The following ZFHX2 variants were observed in gnomAD, a reference collection of about 807,000 sequenced individuals.
The protein encoded by ZFHX2 is zinc finger homeobox 2.
A neutral mutation model predicts 164.8 loss-of-function variants in ZFHX2; 75 were observed. That is an observed-to-expected ratio of 0.46 (90% confidence interval 0.38 to 0.55). The LOEUF is 0.55. Among genes scored for constraint, ZFHX2 ranks in the 20% least tolerant of loss-of-function variants. The pLI, the probability that ZFHX2 is intolerant of heterozygous loss-of-function variation, is 0.00. For missense variants in ZFHX2, 2,933 were observed against 3,308.0 expected, an observed-to-expected ratio of 0.89 and a Z score of 2.78; for synonymous variants, 1,217 against 1,351.4, an observed-to-expected ratio of 0.90 and a Z score of 2.18.
chr14:23,555,356 C>A (rs527903359), upstream of ZFHX2, among the ~76,000 whole-genome samples: 69 of 152,246 alleles, frequency 4.5e-4, no homozygotes, highest in South Asian at 1.0e-3. Context: ...GCTTAGGGAC[C>A]GCTGGAAACT....
chr14:23,528,185 AGGC>A (rs1176824683), intron 6 of ZFHX2, among the ~76,000 whole-genome samples: 3 of 152,320 alleles, frequency 2.0e-5, no homozygotes, highest in African/African-American at 7.2e-5. Flanking sequence ...CTGGGATTAC[AGGC>A]GTGAGCCACC....
chr14:23,520,969 C>G lies in ZFHX2; in HGVS notation c.*993G>C. On this transcript the variant is annotated 3_prime_UTR_variant, in exon 10 of 10. Transcript: ENST00000419474. This position sits in a 1 kb window ranked among gnomAD's most constrained non-coding sequence, Gnocchi z 8.7. The stretch of plus-strand genomic sequence containing the variant: ...TCTTTTGTGCGCGTGTGCACGTACT[C>G]TCTCTCGCTCTTGCTTTTTTGGTTG... 1 of 151,440 alleles carries G rather than the reference C, an allele frequency of 6.6e-6. No homozygotes were observed. The highest frequency in any genetic ancestry group is 1.5e-5 in the Non-Finnish European group (1 of 67,962). 9.4% of individuals were successfully genotyped at this position (151,440 alleles called of 1,614,324 possible). A position where few individuals can be genotyped will look rare whatever the true frequency, so the allele number is the denominator to read the frequency against.
intron 5 of ZFHX2, 104 bp from the exon 6 acceptor site, chr14:23,529,872 G>A: frequency 1.6e-6 from 2 of 1,216,144 alleles, no homozygotes; most frequent in Non-Finnish European, 2.3e-6. Flanking sequence ...GAAAGGGCAG[G>A]AAACTCAGTA....
intron 1 of ZFHX2, among the ~76,000 whole-genome samples, chr14:23,547,270 G>C (rs966480330): frequency 1.3e-5 from 2 of 152,212 alleles, no homozygotes; most frequent in Non-Finnish European, 2.9e-5. Context: ...TGCTGCCTTC[G>C]TTGTATTAAT....
At chr14:23,540,627 C>T (rs996020229) in intron 1 of ZFHX2, among the ~76,000 whole-genome samples, 3 of 152,218 alleles carry the variant, frequency 2.0e-5, no homozygotes, top group African/African-American at 7.2e-5. Context: ...TGGATCCACA[C>T]ACAGAGAGCC....
chr14:23,522,621 C>G lies in ZFHX2; in HGVS notation c.7060G>C (p.Gly2354Arg). The G allele has an allele frequency of 6.5e-7, 1 of 1,533,838 alleles. No homozygotes were observed. The highest frequency in any genetic ancestry group is 1.4e-5 in the African/African-American group (1 of 73,110). The change falls in exon 10 of 10, where the codon GGG becomes CGG. Residue 2354 changes from glycine to arginine, a missense_variant. Transcript: ENST00000419474. ...AAGACAGCTGGCGGTGCTGTTCCCC[C>G]AGCAGGGGGCAATGGAAAGGGCAGG... is the stretch of plus-strand genomic sequence containing the variant. ...QFLPFPLPPA[G>R]GTAPPAVFGP... is the part of the protein sequence containing the mutation.
At position 23,523,046 on chromosome 14, in the gene ZFHX2, T is replaced by C; in HGVS notation, c.6740-105A>G. The C allele has an allele frequency of 7.1e-7, 1 of 1,403,548 alleles. No homozygotes were observed. The highest frequency in any genetic ancestry group is 1.7e-5 in the South Asian group (1 of 59,284). The allele number at this position is 1,403,548 out of a possible 1,614,324, so 86.9% of individuals were successfully genotyped here. On this transcript the variant is annotated intron_variant, in intron 9 of 9. Transcript: ENST00000419474. This position sits in a 1 kb window ranked among gnomAD's most constrained non-coding sequence, Gnocchi z 4.1. ...CACACACCCGTTCCCAGCACCGGAT[T>C]TCCATGCCCCTTCCCTCCCTTCTTT...
At chr14:23,543,358 A>C (rs749527850) in intron 1 of ZFHX2, 1 of 152,270 alleles carries the variant, frequency 6.6e-6, no homozygotes, top group Non-Finnish European at 1.5e-5. Flanking sequence ...ATTGGAACTC[A>C]GGTAGCCTGA....
chr14:23,531,170 C>T (rs899899401), intron 4 of ZFHX2: 2 of 250,962 alleles, frequency 8.0e-6, no homozygotes, highest in Admixed American at 5.6e-5. Context: ...CTCCAGCCTG[C>T]CACCCTCCAG....
Position 23,523,759 on chromosome 14 carries a change from A to T in ZFHX2, c.6183T>A (p.Asp2061Glu), listed in dbSNP as rs1437299201. Residue 2061 changes from aspartate to glutamate, a missense_variant, in exon 9 of 10, where the codon GAT becomes GAA. Asp to Glu is a conservative substitution (Grantham distance 45). Coordinates refer to ENST00000419474, the MANE Select transcript of ZFHX2 (RefSeq NM_033400.3). This position sits in a 1 kb window ranked among gnomAD's most constrained non-coding sequence, Gnocchi z 4.1. ...TCCTGTAGCGCCGCTGCCCCATTCCATCTGGAACCCCAGTCCCACCTCCAG... is the reference window on the plus strand; with the variant it reads ...TCCTGTAGCGCCGCTGCCCCATTCCTTCTGGAACCCCAGTCCCACCTCCAG... ...GGPGGGTGVP[D>E]GMGQRRYRTQ... The T allele has an allele frequency of 1.3e-6, 2 of 1,535,816 alleles. No individual in the cohort carries two copies. The highest frequency in any genetic ancestry group is 2.0e-5 in the Admixed American group (1 of 50,962).
chr14:23,536,325 A>AT (rs1170228445), intron 1 of ZFHX2, among the ~76,000 whole-genome samples: 1 of 152,174 alleles, frequency 6.6e-6, no homozygotes, highest in Non-Finnish European at 1.5e-5. Flanking sequence ...AGACCCTCAG[A>AT]TTTTCCATAC....
intron 3 of ZFHX2, 167 bp downstream of exon 3, chr14:23,532,400 A>G: frequency 1.3e-6 from 1 of 791,470 alleles, no homozygotes; most frequent in Non-Finnish European, 1.8e-6. Flanking sequence ...CTCTTTCTCC[A>G]TGTCTGTCAC....
chr14:23,533,919 A>C lies in ZFHX2; in HGVS notation c.1407T>G (p.Asp469Glu), dbSNP rs769981376. Residue 469 changes from aspartate (D) to glutamate (E), a missense_variant, in exon 2 of 10, where the codon GAT (aspartate) becomes GAG (glutamate). By Grantham distance (45) the Asp-to-Glu change is conservative (BLOSUM62 2). Transcript: ENST00000419474. This position sits in a 1 kb window ranked among gnomAD's most constrained non-coding sequence, Gnocchi z 4.8. ...NWHYKYQQTLDVHMREKHPES... is the reference protein window; with the variant it reads ...NWHYKYQQTLEVHMREKHPES... Reference sequence around the variant, plus strand: ...CAGGGTGCTTCTCTCGCATGTGCACATCCAGGGTCTGCTGGTACTTGTAGT... The same window carrying C: ...CAGGGTGCTTCTCTCGCATGTGCACCTCCAGGGTCTGCTGGTACTTGTAGT... The C allele has an allele frequency of 2.6e-6, 4 of 1,538,008 alleles. No homozygotes were observed. The highest frequency in any genetic ancestry group is 3.5e-6 in the Non-Finnish European group (4 of 1,147,156).
At position 23,532,891 on chromosome 14, in the gene ZFHX2, G is replaced by C. The variant is rs902047626; in HGVS notation, c.2235C>G (p.Leu745=). 2 of 1,536,242 alleles carry C rather than the reference G, an allele frequency of 1.3e-6. No homozygotes were observed. The highest frequency in any genetic ancestry group is 1.7e-6 in the Non-Finnish European group (2 of 1,146,930). ...CCACCTCCTTCCATTCAGCTTCCGG[G>C]AGGCTCCGGCCTATGCTGCAGTGGT... ...LLYHCSIGRS[L]PEAEWKEVAG... The change falls in exon 3 of 10, where the codon CTC becomes CTG. Residue 745 remains leucine (L), a synonymous_variant. Transcript: ENST00000419474.
chr14:23,531,415 C>T, intron 4 of ZFHX2, 66 bp downstream of exon 4: 2 of 1,345,820 alleles, frequency 1.5e-6, no homozygotes, highest in Non-Finnish European at 1.9e-6. Flanking sequence ...CTCCGCAGCC[C>T]CCCTGCTCCC....
At position 23,534,859 on chromosome 14, in the gene ZFHX2, G is replaced by T; in HGVS notation, c.467C>A (p.Pro156His). 6.5e-7 allele frequency: 1 copy of T among 1,536,104 alleles called. No homozygotes were observed. Among genetic ancestry groups the T allele is most frequent in the Non-Finnish European group, 8.7e-7 (1 of 1,146,884 alleles). The part of the protein sequence containing the change: ...EAGIKEEPSL[P>H]FLAYPPPSHL... ...TGAGGGGGGTGGGTAGGCAAGGAAG[G>T]GCAGACTGGGCTCTTCCTTGATGCC... is the stretch of plus-strand genomic sequence containing the variant. Residue 156 changes from proline to histidine, a missense_variant, in exon 2 of 10, where the codon CCC becomes CAC. Transcript: ENST00000419474. This position sits in a 1 kb window ranked among gnomAD's most constrained non-coding sequence, Gnocchi z 4.5.
chr14:23,541,514 C>T (rs1382159490), intron 1 of ZFHX2, among the ~76,000 whole-genome samples: 1 of 151,636 alleles, frequency 6.6e-6, no homozygotes, highest in Non-Finnish European at 1.5e-5. Flanking sequence ...CTCAAACTCC[C>T]AACCTCAGGT....
At position 23,533,529 on chromosome 14, in the gene ZFHX2, C is replaced by G; in HGVS notation, c.1797G>C (p.Met599Ile). 6.5e-7 allele frequency: 1 copy of G among 1,536,122 alleles called. No homozygotes were observed. Reference protein sequence around the residue: ...TSEKHMQNVLMLHQGLPLGLP... With the variant: ...TSEKHMQNVLILHQGLPLGLP... The stretch of plus-strand genomic sequence containing the variant: ...GGCCCAGCGGCAGCCCCTGGTGCAG[C>G]ATTAGGACATTCTGCATGTGCTTCT... The change falls in exon 2 of 10, where the codon ATG becomes ATC. Residue 599 changes from methionine to isoleucine, a missense_variant. Coordinates refer to ENST00000419474, the MANE Select transcript of ZFHX2 (RefSeq NM_033400.3). The surrounding 1 kb of genome is among the most constrained non-coding windows in gnomAD (Gnocchi z 4.8).
rs1878607353 is a variant in ZFHX2 at position 23,525,687 on chromosome 14, C to T, written c.4255G>A (p.Gly1419Ser). 3 of 1,530,106 alleles carry T rather than the reference C, an allele frequency of 2.0e-6. No individual in the cohort carries two copies. The highest frequency in any genetic ancestry group is 2.6e-6 in the Non-Finnish European group (3 of 1,143,282). 94.8% of individuals were successfully genotyped at this position (1,530,106 alleles called of 1,614,324 possible). ...EWERPPMAKE[G>S]NEAGPSSPPD... The stretch of plus-strand genomic sequence containing the variant: ...GGTGAGGAAGGCCCTGCCTCATTAC[C>T]CTCTTTGGCCATGGGGGGCCGCTCC... Residue 1419 changes from glycine to serine, a missense_variant, in exon 9 of 10, where the codon GGT becomes AGT. Gly to Ser is a moderately conservative substitution (Grantham distance 56). Coordinates refer to ENST00000419474, the MANE Select transcript of ZFHX2 (RefSeq NM_033400.3). The surrounding 1 kb of genome is among the most constrained non-coding windows in gnomAD (Gnocchi z 5.9).
Sources: gnomAD v4.1 joint callset for allele counts (sites outside exome capture counted in the v4.1 genomes callset) on GRCh38, gnomAD v4.1.1 for gene constraint, Gnocchi (gnomAD v3.1) non-coding constraint, MANE v1.5 for transcripts, NCBI Gene and HGNC (gene_info 2026-07-23, HGNC 2026-07-21) for gene names.